TMEM132C: variants seen among roughly 807,000 people sequenced by gnomAD.
TMEM132C encodes protein phosphatase 1, regulatory subunit 152.
TMEM132C carries 29 observed loss-of-function variants against 61.4 expected under a neutral mutation model. The observed-to-expected ratio is 0.47, with a 90% CI of 0.35 to 0.64. The LOEUF is 0.64. Among genes scored for constraint, TMEM132C ranks in the 30% least tolerant of loss-of-function variants. The pLI is 0.00. For missense variants in TMEM132C, 1,408 were observed against 1,476.9 expected, an observed-to-expected ratio of 0.95 and a Z score of 0.76; for synonymous variants, 656 against 633.1, an observed-to-expected ratio of 1.04 and a Z score of -0.54.
chr12:128,669,672 A>G, intron 5 of TMEM132C, 112 bp downstream of exon 5: 3 of 1,301,826 alleles, frequency 2.3e-6, no homozygotes, highest in East Asian at 2.6e-5. Context: ...ACAGAGGCTT[A>G]TGTGCAACAC....
rs140561911 is a variant in TMEM132C, at chr12:128,418,265, A to G, written c.974+2645A>G. Reference sequence around the variant, plus strand: ...GTCGGAATTCAACGAATAGGGAACAAACAAACCATCTGAAGACCCGTCTTG... The same window carrying G: ...GTCGGAATTCAACGAATAGGGAACAGACAAACCATCTGAAGACCCGTCTTG... On this transcript the variant is annotated intron_variant, in intron 2 of 8. Coordinates refer to ENST00000435159, the MANE Select transcript of TMEM132C (RefSeq NM_001136103.3). 3.7e-3 allele frequency among the ~76,000 whole-genome samples: 569 copies of G among 152,332 alleles called. 7 individuals are homozygous for G. The highest frequency in any genetic ancestry group is 0.014 in the Middle Eastern group (4 of 294).
At chr12:128,333,546 ATGTATGTGTGAGTGTTGGTTG>A (rs1872717204) in intron 1 of TMEM132C, among the ~76,000 whole-genome samples, 1 of 151,666 alleles carries the variant, frequency 6.6e-6, no homozygotes, top group Non-Finnish European at 1.5e-5. Context: ...TGAGTGTAGC[ATGTATGTGTGAGTGTTGGTTG>A]TGTGTATATG....
chr12:128,346,607 G>A (rs1463154776), intron 1 of TMEM132C, among the ~76,000 whole-genome samples: 4 of 152,130 alleles, frequency 2.6e-5, no homozygotes, highest in African/African-American at 9.7e-5. Flanking sequence ...TTCTTATAGA[G>A]ATCCTTCATA....
intron 4 of TMEM132C, among the ~76,000 whole-genome samples, chr12:128,659,235 A>G (rs1298018669): frequency 1.3e-5 from 2 of 152,182 alleles, no homozygotes; most frequent in Non-Finnish European, 2.9e-5. Context: ...AAATTTACAT[A>G]AAAACTTGCC....
intron 4 of TMEM132C, among the ~76,000 whole-genome samples, chr12:128,629,826 C>T (rs566447518): frequency 1.3e-5 from 2 of 152,064 alleles, no homozygotes; most frequent in African/African-American, 2.4e-5. Flanking sequence ...ATTAGCTGGG[C>T]GTGGTGGTGC....
At chr12:128,477,842 A>G (rs1871199888) in intron 2 of TMEM132C, among the ~76,000 whole-genome samples, 1 of 152,146 alleles carries the variant, frequency 6.6e-6, no homozygotes, top group Non-Finnish European at 1.5e-5. Flanking sequence ...TCGGCCTCCC[A>G]GAGTGCTGGG....
At chr12:128,624,762 G>C (rs1953999561) in intron 4 of TMEM132C, among the ~76,000 whole-genome samples, 1 of 152,122 alleles carries the variant, frequency 6.6e-6, no homozygotes, top group Non-Finnish European at 1.5e-5. Context: ...TCAAACAGTA[G>C]TTCATAAATC....
At chr12:128,655,045 G>A (rs978268397) in intron 4 of TMEM132C, among the ~76,000 whole-genome samples, 2 of 152,136 alleles carry the variant, frequency 1.3e-5, no homozygotes, top group African/African-American at 4.8e-5. Context: ...CATCAGCAAC[G>A]CATTTTACTT....
intron 1 of TMEM132C, among the ~76,000 whole-genome samples, chr12:128,307,491 A>G (rs745728927): frequency 8.5e-5 from 13 of 152,182 alleles, no homozygotes; most frequent in Non-Finnish European, 1.8e-4. Flanking sequence ...ATGCATTATT[A>G]CATTTCACAA....
chr12:128,273,428 C>A (rs759993807), intron 1 of TMEM132C, among the ~76,000 whole-genome samples: 2 of 151,922 alleles, frequency 1.3e-5, no homozygotes, highest in Admixed American at 1.3e-4. Context: ...TAACTTATGT[C>A]TCTATATGTA....
intron 1 of TMEM132C, among the ~76,000 whole-genome samples, chr12:128,307,573 C>G (rs1219855416): frequency 6.6e-6 from 1 of 152,106 alleles, no homozygotes; most frequent in East Asian, 1.9e-4. Flanking sequence ...CTCTTGTGAC[C>G]CAAATGTATT....
intron 4 of TMEM132C, among the ~76,000 whole-genome samples, chr12:128,627,203 G>T (rs549452355): frequency 1.3e-5 from 2 of 152,190 alleles, no homozygotes; most frequent in East Asian, 3.9e-4. Context: ...CTGATTTTTG[G>T]CATATCCAAT....
intron 2 of TMEM132C, among the ~76,000 whole-genome samples, chr12:128,455,546 CCGTAAA>C (rs1870311694): frequency 6.6e-6 from 1 of 152,172 alleles, no homozygotes; most frequent in Admixed American, 6.6e-5. Flanking sequence ...ATGTATGTGA[CCGTAAA>C]CGTGTTCAGG....
chr12:128,650,821 A>G (rs1243760555), intron 4 of TMEM132C, among the ~76,000 whole-genome samples: 1 of 152,202 alleles, frequency 6.6e-6, no homozygotes, highest in Non-Finnish European at 1.5e-5. Context: ...TTGCAGAGCC[A>G]ATCTCATGTG....
At chr12:128,573,654 C>T (rs1874983272) in intron 3 of TMEM132C, among the ~76,000 whole-genome samples, 1 of 150,948 alleles carries the variant, frequency 6.6e-6, no homozygotes, top group Admixed American at 6.6e-5. Flanking sequence ...CATAACAGTC[C>T]AATTCATGGG....
At chr12:128,413,657 A>G (rs1868648551) in intron 1 of TMEM132C, among the ~76,000 whole-genome samples, 1 of 151,648 alleles carries the variant, frequency 6.6e-6, no homozygotes, top group East Asian at 1.9e-4. Context: ...ATTTTAATAT[A>G]TTTTTGTGAA....
chr12:128,598,831 A>AGGTGGGGCTGG (rs1175848233), intron 3 of TMEM132C, among the ~76,000 whole-genome samples: 2 of 9,758 alleles, frequency 2.0e-4, no homozygotes, highest in Non-Finnish European at 3.9e-4. Context: ...GCTGAGCTGG[A>AGGTGGGGCTGG]GGTGGGGCTG....
At chr12:128,370,149 T>C (rs1007861958) in intron 1 of TMEM132C, among the ~76,000 whole-genome samples, 2 of 152,140 alleles carry the variant, frequency 1.3e-5, no homozygotes, top group Non-Finnish European at 2.9e-5. Context: ...TGAGCTTAGA[T>C]GGGCAGATGC....
intron 1 of TMEM132C, among the ~76,000 whole-genome samples, chr12:128,309,191 G>A (rs575798938): frequency 2.0e-5 from 3 of 152,298 alleles, no homozygotes; most frequent in Non-Finnish European, 2.9e-5. Context: ...GAATGAAGCC[G>A]TATCGTTTTG....
Sources: allele counts gnomAD v4.1 joint callset (sites outside exome capture counted in the v4.1 genomes callset), GRCh38; gene constraint gnomAD v4.1.1; transcripts MANE v1.5; gene names NCBI Gene and HGNC (gene_info 2026-07-23, HGNC 2026-07-21).